The following SLC30A9 variants were observed in gnomAD, a reference collection of about 807,000 sequenced individuals.
SLC30A9 encodes proton-coupled zinc antiporter SLC30A9, mitochondrial.
Under a neutral mutation model 87.5 loss-of-function variants are expected in SLC30A9, and 58 were observed. The ratio of observed to expected loss-of-function variants is 0.66; its 90% CI spans 0.54 to 0.82. The LOEUF (loss-of-function observed/expected upper bound fraction) is 0.82. Ranked by LOEUF, SLC30A9 falls within the 40% of genes least tolerant of loss-of-function variation. The pLI, the probability that SLC30A9 is intolerant of heterozygous loss-of-function variation, is 0.00. For missense variants in SLC30A9, 557 were observed against 679.1 expected (o/e 0.82, Z 2.00); for synonymous variants, 234 against 233.0 (o/e 1.00, Z -0.04).
chr4:42,006,509 A>G (rs1452997340), intron 2 of SLC30A9, among the ~76,000 whole-genome samples: 2 of 152,146 alleles, frequency 1.3e-5, no homozygotes, highest in Non-Finnish European at 2.9e-5. Flanking sequence ...CAACGTGGTG[A>G]AACTCTGTCT....
intron 14 of SLC30A9, among the ~76,000 whole-genome samples, chr4:42,067,891 T>C (rs952240006): frequency 1.3e-5 from 2 of 152,190 alleles, no homozygotes; most frequent in African/African-American, 4.8e-5. Context: ...ACTGCTAGGA[T>C]AGGCTCAAGT....
At chr4:42,029,730 A>G in intron 6 of SLC30A9, 2 of 732,718 alleles carry the variant, frequency 2.7e-6, no homozygotes, top group Non-Finnish European at 2.5e-6. Context: ...CGAAGAGGGC[A>G]AACCACATGT....
chr4:42,082,228 AAAT>A (rs1718767169), intron 17 of SLC30A9, among the ~76,000 whole-genome samples: 1 of 83,998 alleles, frequency 1.2e-5, no homozygotes, highest in Non-Finnish European at 3.3e-5. Context: ...AAAAAAAAAA[AAAT>A]AAATAAATAA....
At chr4:42,030,433 C>G (rs1245757988) in intron 6 of SLC30A9, among the ~76,000 whole-genome samples, 1 of 152,120 alleles carries the variant, frequency 6.6e-6, no homozygotes, top group East Asian at 1.9e-4. Flanking sequence ...TAAGTATTGC[C>G]TCCTATATTT....
chr4:42,032,188 A>C (rs1716473695), intron 6 of SLC30A9, among the ~76,000 whole-genome samples: 1 of 152,012 alleles, frequency 6.6e-6, no homozygotes, highest in East Asian at 1.9e-4. Context: ...CATTCATGAG[A>C]ATTCACCCCC....
rs1441122572 is a variant in SLC30A9, at chr4:42,086,076, T to C, written c.1663-6T>C. The C allele has an allele frequency of 4.2e-6, 6 of 1,433,792 alleles. No homozygotes were observed. The highest frequency in any genetic ancestry group is 5.6e-6 in the Non-Finnish European group (6 of 1,069,048). The allele number at this position is 1,433,792 out of a possible 1,614,324, so 88.8% of individuals were successfully genotyped here. On this transcript the variant is annotated splice_region_variant and splice_polypyrimidine_tract_variant and intron_variant, in intron 17 of 17. Transcript: ENST00000264451. Reference sequence around the variant, plus strand: ...CAAATAATGTGGTGGTGATTTTTCTTTCCAGAAACGAAATCCTGAAGTTCG... The same window carrying C: ...CAAATAATGTGGTGGTGATTTTTCTCTCCAGAAACGAAATCCTGAAGTTCG...
chr4:42,062,108 C>T lies in SLC30A9; in HGVS notation c.897-878C>T, dbSNP rs1411524451. The stretch of plus-strand genomic sequence containing the variant: ...ACTTGGGAGGCTGAGGCAGGAGAAT[C>T]ATTTGTACTCGGGAGGTGGAGGTTG... On this transcript the variant is annotated intron_variant, in intron 10 of 17. Coordinates refer to ENST00000264451, the MANE Select transcript of SLC30A9 (RefSeq NM_006345.4). Among the ~76,000 whole-genome samples, 9 of 151,078 alleles carry T rather than the reference C, an allele frequency of 6.0e-5. 1 individual carries two copies. The highest frequency in any genetic ancestry group is 1.9e-4 in the African/African-American group (8 of 41,062).
At chr4:42,019,707 ATTACT>A (rs1350242301) in intron 3 of SLC30A9, among the ~76,000 whole-genome samples, 2 of 152,132 alleles carry the variant, frequency 1.3e-5, no homozygotes, top group African/African-American at 2.4e-5. Context: ...GTAGTCTTTG[ATTACT>A]TTATATTTCT....
chr4:42,023,532 T>A (rs1716063194), intron 6 of SLC30A9, 148 bp downstream of exon 6: 1 of 578,378 alleles, frequency 1.7e-6, no homozygotes, highest in Non-Finnish European at 3.1e-6. Flanking sequence ...GGGATTCAAT[T>A]ATTTCACAAA....
At chr4:42,006,594 G>A (rs890698683) in intron 2 of SLC30A9, among the ~76,000 whole-genome samples, 2 of 151,916 alleles carry the variant, frequency 1.3e-5, no homozygotes, top group Admixed American at 1.3e-4. Context: ...TGTTGAGGTA[G>A]GAGGGTCACC....
chr4:42,075,586 T>C (rs1560561247), intron 15 of SLC30A9, 71 bp from the exon 16 acceptor site: 10 of 1,388,386 alleles, frequency 7.2e-6, no homozygotes, highest in Non-Finnish European at 1.0e-5. Flanking sequence ...AATTCAAGCC[T>C]TTGTGCTATT....
intron 10 of SLC30A9, among the ~76,000 whole-genome samples, chr4:42,061,530 A>G (rs1404569406): frequency 1.3e-5 from 2 of 152,230 alleles, no homozygotes; most frequent in African/African-American, 4.8e-5. Flanking sequence ...ACATTGTCAC[A>G]TCTATAAACT....
intron 1 of SLC30A9, 67 bp downstream of exon 1, chr4:41,990,827 C>T: frequency 8.4e-7 from 1 of 1,195,492 alleles, no homozygotes; most frequent in Non-Finnish European, 1.2e-6. Flanking sequence ...GGGCTCGGCG[C>T]CTCGCCTGGG....
intron 15 of SLC30A9, 82 bp downstream of exon 15, chr4:42,070,773 G>C: frequency 8.3e-7 from 1 of 1,203,552 alleles, no homozygotes; most frequent in Non-Finnish European, 1.1e-6. Flanking sequence ...AATACTTCCA[G>C]AGGAAGTTTT....
intron 8 of SLC30A9, among the ~76,000 whole-genome samples, chr4:42,043,644 T>C (rs1456926397): frequency 6.6e-6 from 1 of 152,206 alleles, no homozygotes; most frequent in African/African-American, 2.4e-5. Context: ...GAAAACACTC[T>C]TCAGGAGATT....
At chr4:42,029,820 A>C in intron 6 of SLC30A9, 1 of 726,916 alleles carries the variant, frequency 1.4e-6, no homozygotes. Context: ...CCCAGTGATG[A>C]AGTATAACGC....
intron 2 of SLC30A9, among the ~76,000 whole-genome samples, chr4:42,015,626 A>G (rs1715686426): frequency 6.6e-6 from 1 of 152,148 alleles, no homozygotes; most frequent in Non-Finnish European, 1.5e-5. Context: ...CTGTTAGCCT[A>G]CTTTATATTT....
intron 13 of SLC30A9, 25 bp from the exon 14 acceptor site, chr4:42,067,060 G>A: frequency 7.0e-7 from 1 of 1,418,930 alleles, no homozygotes; most frequent in Non-Finnish European, 9.9e-7. Context: ...AAATTTTCTT[G>A]TCTTGTCTCT....
In SLC30A9 at chr4:42,023,079, T is replaced by C. The variant is rs943794945; in HGVS notation, c.527+149T>C. ...TCTGTTTATTTGTGAGTTACTAATA[T>C]GTACTCCTTAACTAAATATATGTCA... On this transcript the variant is annotated intron_variant, in intron 5 of 17. Transcript: ENST00000264451. 4 of 583,726 alleles carry C rather than the reference T, an allele frequency of 6.9e-6. No homozygotes were observed. The African/African-American group carries it at 7.4e-5, about 11-fold the overall frequency. The allele number at this position is 583,726 out of a possible 1,614,324, so 36.2% of individuals were successfully genotyped here.
Sources: allele counts gnomAD v4.1 joint callset (sites outside exome capture counted in the v4.1 genomes callset), GRCh38; gene constraint gnomAD v4.1.1; transcripts MANE v1.5; gene names NCBI Gene and HGNC (gene_info 2026-07-23, HGNC 2026-07-21).